Variants in OR10A2 observed in about 807,000 individuals in gnomAD.
OR10A2 encodes olfactory receptor family 10 subfamily A member 2, also known as olfactory receptor 10A2.
A neutral mutation model predicts 13.7 loss-of-function variants in OR10A2; 15 were observed. The ratio of observed to expected loss-of-function variants is 1.10; its 90% confidence interval spans 0.73 to 1.69. The LOEUF is 1.69. OR10A2 is among the 40% of genes most tolerant of loss of function. The probability of loss-of-function intolerance (pLI) is 0.00; values close to 1 mark genes in which losing one functional copy is unlikely to be tolerated. For synonymous variants in OR10A2, 145 were observed against 144.7 expected, an observed-to-expected ratio of 1.00 and a Z score of -0.02; for missense variants, 343 against 361.1, an observed-to-expected ratio of 0.95 and a Z score of 0.41.
At chr11:6,864,073 C>A (rs534620186) in intron 1 of OR10A2, among the ~76,000 whole-genome samples, 2 of 152,296 alleles carry the variant, frequency 1.3e-5, no homozygotes, top group Admixed American at 1.3e-4. Flanking sequence ...AGATTGGACA[C>A]CCCTGTTCTA....
chr11:6,869,603 C>A lies in OR10A2; in HGVS notation c.-132-20C>A, dbSNP rs368044093. On this transcript the variant is annotated intron_variant, in intron 1 of 1. Coordinates refer to ENST00000641461, the MANE Select transcript of OR10A2 (RefSeq NM_001004460.2). ...CACTTCCTCTGCCTGAGGTGCTGAC[C>A]TTGCCTCTTTCCCTGACAGTAAGAA... 31 of 726,616 alleles carry A rather than the reference C, an allele frequency of 4.3e-5. No homozygotes were observed. Among genetic ancestry groups the A allele is most frequent in the East Asian group, 3.7e-4 (15 of 40,470 alleles). The allele number at this position is 726,616 out of a possible 1,614,324, so 45.0% of individuals were successfully genotyped here.
At position 6,870,654 on chromosome 11, in the gene OR10A2, C is replaced by T. The variant is rs1293381464; in HGVS notation, c.900C>T (p.Asn300=). 1 of 1,580,654 alleles carries T rather than the reference C, an allele frequency of 6.3e-7. No individual in the cohort carries two copies. Among genetic ancestry groups the T allele is most frequent in the Admixed American group, 1.8e-5 (1 of 54,638 alleles). Residue 300 remains asparagine (N), a synonymous_variant, in exon 2 of 2, where the codon AAC becomes AAT. Coordinates refer to ENST00000641461, the MANE Select transcript of OR10A2 (RefSeq NM_001004460.2). Reference sequence around the variant, plus strand: ...TCTCTAAGGCCCTAGCCCTCAGAAACTGTATCCCATAGACCTTAGGAAGTA... The same window carrying T: ...TCTCTAAGGCCCTAGCCCTCAGAAATTGTATCCCATAGACCTTAGGAAGTA... ...RTVSKALALR[N]CIP
Position 6,870,053 on chromosome 11 carries a change from T to A in OR10A2, c.299T>A (p.Phe100Tyr). 6.2e-7 allele frequency: 1 copy of A among 1,614,218 alleles called. No homozygotes were observed. The highest frequency in any genetic ancestry group is 8.5e-7 in the Non-Finnish European group (1 of 1,180,036). ...FFFFFGVAEC[F>Y]LLATMAYDRY... ...TTCTTCTTTGGAGTGGCTGAATGCT[T>A]CCTCCTGGCTACCATGGCATATGAC... Residue 100 changes from phenylalanine to tyrosine, a missense_variant, in exon 2 of 2, where the codon TTC (phenylalanine) becomes TAC (tyrosine). Phe to Tyr is a conservative substitution (Grantham distance 22). Transcript: ENST00000641461.
rs1848458460 is a variant in OR10A2, at chr11:6,873,706, G to C, written c.*3040G>C. ...TTAAAGGATTTACTTTATCCCAGGG[G>C]CCATACGGAGTAATTGAAAGACATT... On this transcript the variant is annotated 3_prime_UTR_variant, in exon 2 of 2. Coordinates refer to ENST00000641461, the MANE Select transcript of OR10A2 (RefSeq NM_001004460.2). 1 of 150,182 alleles carries C rather than the reference G, an allele frequency of 6.7e-6. No homozygotes were observed. 9.3% of individuals were successfully genotyped at this position (150,182 alleles called of 1,614,324 possible). A position where few individuals can be genotyped will look rare whatever the true frequency, so the allele number is the denominator to read the frequency against.
chr11:6,870,773 C>A lies in OR10A2; in HGVS notation c.*107C>A. ...TCTCCAATAAGATGAAGTCCTGTTGCTGAAATGGCTTTTGGAAAGCTGAGT... is the reference window on the plus strand; with the variant it reads ...TCTCCAATAAGATGAAGTCCTGTTGATGAAATGGCTTTTGGAAAGCTGAGT... On this transcript the variant is annotated 3_prime_UTR_variant, in exon 2 of 2. Coordinates refer to ENST00000641461, the MANE Select transcript of OR10A2 (RefSeq NM_001004460.2). The A allele has an allele frequency of 2.1e-6, 2 of 957,120 alleles. No homozygotes were observed. The highest frequency in any genetic ancestry group is 3.1e-6 in the Non-Finnish European group (2 of 644,904). 59.3% of individuals were successfully genotyped at this position (957,120 alleles called of 1,614,324 possible).
intron 1 of OR10A2, among the ~76,000 whole-genome samples, chr11:6,863,591 T>C (rs1848358830): frequency 6.6e-6 from 1 of 152,068 alleles, no homozygotes; most frequent in South Asian, 2.1e-4. Flanking sequence ...TACCCAGGCT[T>C]TTTCCAATTC....
chr11:6,864,768 G>C (rs926517547), intron 1 of OR10A2, among the ~76,000 whole-genome samples: 1 of 151,904 alleles, frequency 6.6e-6, no homozygotes, highest in South Asian at 2.1e-4. Flanking sequence ...AAGAAGGAGA[G>C]ATGGATGTGG....
Position 6,870,473 on chromosome 11 carries a change from T to C in OR10A2, c.719T>C (p.Ile240Thr), listed in dbSNP as rs10839632. Residue 240 changes from isoleucine (I) to threonine (T), a missense_variant, in exon 2 of 2, where the codon ATA (isoleucine) becomes ACA (threonine). By Grantham distance (89) the Ile-to-Thr change is moderately conservative. Transcript: ENST00000641461. ...CTCCTTGTTGTCTCTCTTTTCTATA[T>C]ATCATTAAGCCTCACCTACTTCCGG... ...SHLLVVSLFYISLSLTYFRPK... is the reference protein window; with the variant it reads ...SHLLVVSLFYTSLSLTYFRPK... The C allele has an allele frequency of 0.29, 475,525 of 1,613,840 alleles. 71,459 individuals carry two copies. The highest frequency in any genetic ancestry group is 0.35 in the East Asian group (15,509 of 44,858).
intron 1 of OR10A2, 144 bp from the exon 2 acceptor site, chr11:6,869,479 G>A: frequency 2.2e-6 from 1 of 455,386 alleles, no homozygotes; most frequent in Non-Finnish European, 3.9e-6. Flanking sequence ...CTTAAGGTGT[G>A]AACAGAAATA....
Position 6,873,677 on chromosome 11 carries a change from C to G in OR10A2, c.*3011C>G, listed in dbSNP as rs1234641703. The G allele has an allele frequency of 2.0e-5, 3 of 152,118 alleles. No homozygotes were observed. The highest frequency in any genetic ancestry group is 3.9e-4 in the East Asian group (2 of 5,190). The allele number at this position is 152,118 out of a possible 1,614,324, so 9.4% of individuals were successfully genotyped here. A position where few individuals can be genotyped will look rare whatever the true frequency, so the allele number is the denominator to read the frequency against. ...ATAAGCAGAGATCACAGGAAAAGAC[C>G]TTGTTAAAGGATTTACTTTATCCCA... On this transcript the variant is annotated 3_prime_UTR_variant, in exon 2 of 2. Transcript: ENST00000641461.
Position 6,869,871 on chromosome 11 carries a change from C to A in OR10A2, c.117C>A (p.Asp39Glu), listed in dbSNP as rs1291972846. ...NCLIILVTLA[D>E]PMLHSPMYFF... ...TCATCATTCTGGTTACCCTAGCTGA[C>A]CCCATGCTACACAGCCCCATGTACT... Residue 39 changes from aspartate to glutamate, a missense_variant, in exon 2 of 2, where the codon GAC becomes GAA. Physicochemically the swap from Asp to Glu is conservative, Grantham distance 45. Transcript: ENST00000641461. 4 of 1,614,142 alleles carry A rather than the reference C, an allele frequency of 2.5e-6. No homozygotes were observed. The highest frequency in any genetic ancestry group is 1.7e-5 in the Admixed American group (1 of 60,026).
intron 1 of OR10A2, among the ~76,000 whole-genome samples, chr11:6,866,047 T>C (rs993011805): frequency 2.0e-5 from 3 of 152,242 alleles, no homozygotes; most frequent in South Asian, 2.1e-4. Flanking sequence ...CAGAATTATC[T>C]GTAAATTCAT....
At chr11:6,867,305 C>G (rs11041067) in intron 1 of OR10A2, among the ~76,000 whole-genome samples, 49,600 of 151,828 alleles carry the variant, frequency 0.33, 8,609 homozygotes, top group South Asian at 0.41. Context: ...TCTGCCTCCC[C>G]AGTTCATGCA....
Position 6,870,914 on chromosome 11 carries a change from T to C in OR10A2, c.*248T>C. Reference sequence around the variant, plus strand: ...CTTGTTTCAACTGGTATGACAGCACTTCTGTGGCCAACTATTTCCAGGTGT... The same window carrying C: ...CTTGTTTCAACTGGTATGACAGCACCTCTGTGGCCAACTATTTCCAGGTGT... On this transcript the variant is annotated 3_prime_UTR_variant, in exon 2 of 2. Coordinates refer to ENST00000641461, the MANE Select transcript of OR10A2 (RefSeq NM_001004460.2). 8.3e-6 allele frequency: 3 copies of C among 362,386 alleles called. No homozygotes were observed. The highest frequency in any genetic ancestry group is 1.5e-5 in the Non-Finnish European group (3 of 201,454). The allele number at this position is 362,386 out of a possible 1,614,324, so 22.4% of individuals were successfully genotyped here.
In OR10A2 at chr11:6,869,895, C is replaced by T. The variant is rs1298417070; in HGVS notation, c.141C>T (p.Tyr47=). 7.4e-6 allele frequency: 12 copies of T among 1,614,172 alleles called. No individual in the cohort carries two copies. The highest frequency in any genetic ancestry group is 1.0e-5 in the Non-Finnish European group (12 of 1,180,008). The change falls in exon 2 of 2, where the codon TAC becomes TAT. Residue 47 remains tyrosine, a synonymous_variant. Transcript: ENST00000641461. ...LADPMLHSPM[Y]FFLRNLSFLE... ...ACCCCATGCTACACAGCCCCATGTA[C>T]TTCTTCCTCAGAAACTTATCTTTCC...
rs1336438702 is a variant in OR10A2, at chr11:6,870,218, T to C, written c.464T>C (p.Phe155Ser). 2.0e-5 allele frequency: 32 copies of C among 1,614,100 alleles called. No individual in the cohort carries two copies. Among genetic ancestry groups the C allele is most frequent in the Non-Finnish European group, 2.6e-5 (31 of 1,180,044 alleles). ...ACCACATGGCTCTTCAGTTTTCCAT[T>C]CTGTGGCACCAACAAGGTGAACCAC... ...VQTTWLFSFP[F>S]CGTNKVNHFF... is the part of the protein sequence containing the mutation. The change falls in exon 2 of 2, where the codon TTC becomes TCC. Residue 155 changes from phenylalanine (F) to serine (S), a missense_variant. Coordinates refer to ENST00000641461, the MANE Select transcript of OR10A2 (RefSeq NM_001004460.2).
At chr11:6,864,806 G>C (rs992397192) in intron 1 of OR10A2, among the ~76,000 whole-genome samples, 2 of 151,626 alleles carry the variant, frequency 1.3e-5, no homozygotes, top group Non-Finnish European at 2.9e-5. Context: ...TTCGGGTGTA[G>C]CTTAAGTTCA....
Position 6,874,464 on chromosome 11 carries a change from C to T in OR10A2, c.*3798C>T, listed in dbSNP as rs1848465716. On this transcript the variant is annotated 3_prime_UTR_variant, in exon 2 of 2. Coordinates refer to ENST00000641461, the MANE Select transcript of OR10A2 (RefSeq NM_001004460.2). ...CTGCCCATCTTTAGAAATTGTGTTG[C>T]TTTGTTCTTACTACCACCCTGTACT... 3 of 152,158 alleles carry T rather than the reference C, an allele frequency of 2.0e-5. No homozygotes were observed. The highest frequency in any genetic ancestry group is 1.3e-4 in the Admixed American group (2 of 15,272). The allele number at this position is 152,158 out of a possible 1,614,324, so 9.4% of individuals were successfully genotyped here. A position where few individuals can be genotyped will look rare whatever the true frequency, so the allele number is the denominator to read the frequency against.
intron 1 of OR10A2, among the ~76,000 whole-genome samples, chr11:6,865,715 TA>T (rs11456471): frequency 1.3e-5 from 2 of 152,112 alleles, no homozygotes; most frequent in South Asian, 2.1e-4. Context: ...TTAGCAGATT[TA>T]AAAAAATCAT....
Sources: allele counts gnomAD v4.1 joint callset (sites outside exome capture counted in the v4.1 genomes callset), GRCh38; gene constraint gnomAD v4.1.1; transcripts MANE v1.5; gene names NCBI Gene and HGNC (gene_info 2026-07-23, HGNC 2026-07-21).